DDC: variants seen among roughly 807,000 people sequenced by gnomAD.
The protein encoded by DDC is dopa decarboxylase.
A neutral mutation model predicts 60.0 loss-of-function variants in DDC; 43 were observed. The observed-to-expected ratio is 0.72, with a 90% CI of 0.56 to 0.92. The LOEUF is 0.92. DDC is among the 40% of genes least tolerant of loss of function. The pLI is 0.00. For missense variants in DDC, 573 were observed against 620.2 expected (o/e 0.92, Z 0.81); for synonymous variants, 232 against 234.6 (o/e 0.99, Z 0.10).
At chr7:50,492,640 T>C in intron 9 of DDC, 1 of 1,162,240 alleles carries the variant, frequency 8.6e-7, no homozygotes, top group Non-Finnish European at 1.1e-6. Context: ...ACCGCAGGCC[T>C]CTCTTGTGTC....
chr7:50,477,033 G>A (rs1490158323), intron 10 of DDC, among the ~76,000 whole-genome samples: 1 of 152,138 alleles, frequency 6.6e-6, no homozygotes, highest in Non-Finnish European at 1.5e-5. Flanking sequence ...GGAGTGATTA[G>A]AATATTTTAA....
intron 1 of DDC, among the ~76,000 whole-genome samples, chr7:50,545,444 CT>C (rs1217802146): frequency 1.3e-4 from 20 of 152,202 alleles, no homozygotes; most frequent in Non-Finnish European, 2.4e-4. Context: ...TGGCACATGT[CT>C]TTCTAGAATT....
intron 6 of DDC, among the ~76,000 whole-genome samples, chr7:50,510,717 C>G (rs1387357396): frequency 1.4e-5 from 2 of 146,354 alleles, no homozygotes; most frequent in Non-Finnish European, 3.0e-5. Flanking sequence ...CACGGTGGCT[C>G]ACGCCTGTAA....
At chr7:50,504,360 G>A (rs941805820) in intron 6 of DDC, among the ~76,000 whole-genome samples, 1 of 152,022 alleles carries the variant, frequency 6.6e-6, no homozygotes, top group African/African-American at 2.4e-5. Flanking sequence ...CTACCACCTG[G>A]ACAATGATAC....
At chr7:50,536,869 C>T (rs1221606701) in intron 4 of DDC, among the ~76,000 whole-genome samples, 1 of 152,206 alleles carries the variant, frequency 6.6e-6, no homozygotes, top group African/African-American at 2.4e-5. Flanking sequence ...ACTGAATGGG[C>T]CTTCACCAAT....
chr7:50,520,251 T>C (rs1005614908), intron 6 of DDC, among the ~76,000 whole-genome samples: 1 of 152,180 alleles, frequency 6.6e-6, no homozygotes, highest in African/African-American at 2.4e-5. Flanking sequence ...ACAATCAACA[T>C]TCACCAAGAT....
chr7:50,551,708 A>C (rs1375671291), intron 1 of DDC, among the ~76,000 whole-genome samples: 1 of 152,052 alleles, frequency 6.6e-6, no homozygotes, highest in East Asian at 1.9e-4. Context: ...ACGTCTGTTA[A>C]ATGTTTTGCA....
chr7:50,562,744 G>A (rs2045368949), intron 1 of DDC, among the ~76,000 whole-genome samples: 2 of 152,216 alleles, frequency 1.3e-5, no homozygotes, highest in African/African-American at 4.8e-5. Flanking sequence ...CCTGCACACG[G>A]CTTGGGCTAC....
intron 6 of DDC, among the ~76,000 whole-genome samples, chr7:50,520,215 C>A (rs923532108): frequency 6.6e-6 from 1 of 152,140 alleles, no homozygotes; most frequent in African/African-American, 2.4e-5. Flanking sequence ...CCAATGACAG[C>A]AGAATATATT....
rs769889204 is a variant in DDC, at chr7:50,561,845, C to T, written c.-29+3440G>A. Among the ~76,000 whole-genome samples the T allele has an allele frequency of 1.1e-4, 17 of 152,084 alleles. No homozygotes were observed. In the South Asian group the frequency reaches 1.7e-3, roughly 15 times the overall value. On this transcript the variant is annotated intron_variant, in intron 1 of 14. Transcript: ENST00000444124. The stretch of plus-strand genomic sequence containing the variant: ...GAGCAGCCTGCAGGTGCCCCTGCCC[C>T]GACCACACACACATGCACACACACC...
intron 6 of DDC, among the ~76,000 whole-genome samples, chr7:50,521,903 A>G (rs540903765): frequency 5.9e-4 from 90 of 152,294 alleles, no homozygotes; most frequent in Non-Finnish European, 1.1e-3. Flanking sequence ...TACTACTCCT[A>G]TCAACATTGT....
chr7:50,548,277 C>T (rs1273392409), intron 1 of DDC, among the ~76,000 whole-genome samples: 1 of 152,166 alleles, frequency 6.6e-6, no homozygotes, highest in Non-Finnish European at 1.5e-5. Flanking sequence ...TAGTATGTCT[C>T]TCACTTTAAA....
chr7:50,529,225 C>T lies in DDC; in HGVS notation c.553G>A (p.Ala185Thr). 1 of 1,613,444 alleles carries T rather than the reference C, an allele frequency of 6.2e-7. No individual in the cohort carries two copies. The highest frequency in any genetic ancestry group is 1.3e-5 in the African/African-American group (1 of 75,032). The change falls in exon 5 of 15, where the codon GCT becomes ACT. Residue 185 changes from alanine (A) to threonine (T), a missense_variant. Ala to Thr is a moderately conservative substitution (Grantham distance 58). Coordinates refer to ENST00000444124, the MANE Select transcript of DDC (RefSeq NM_001082971.2). The part of the protein sequence containing the change: ...TQAAIMEKLV[A>T]YSSDQAHSSV... ...ACACTCACCTGATCGGATGAGTAAG[C>T]CACCAGCTTCTCCATGATAGCGGCC...
intron 9 of DDC, 60 bp from the exon 10 acceptor site, chr7:50,479,923 T>C: frequency 7.4e-7 from 1 of 1,355,946 alleles, no homozygotes; most frequent in South Asian, 1.2e-5. Context: ...GGACCACCTC[T>C]CCCCTCTCCC....
At position 50,528,279 on chromosome 7, in the gene DDC, G is replaced by T; in HGVS notation, c.572C>A (p.Ala191Glu). 1 of 1,614,062 alleles carries T rather than the reference G, an allele frequency of 6.2e-7. No individual in the cohort carries two copies. Among genetic ancestry groups the T allele is most frequent in the Admixed American group, 1.7e-5 (1 of 60,028 alleles). Reference sequence around the variant, plus strand: ...CCCAGCTCTTTCCACTGAGGAGTGTGCCTGGAAAGAAGACAGCAGAGTTGG... The same window carrying T: ...CCCAGCTCTTTCCACTGAGGAGTGTTCCTGGAAAGAAGACAGCAGAGTTGG... ...EKLVAYSSDQ[A>E]HSSVERAGLI... is the part of the protein sequence containing the mutation. Residue 191 changes from alanine (A) to glutamate (E), a missense_variant and splice_region_variant, in exon 6 of 15, where the codon GCA becomes GAA. Transcript: ENST00000444124.
rs2044099966 is a variant in DDC, at chr7:50,528,345, G to T, written c.571-65C>A. On this transcript the variant is annotated intron_variant, in intron 5 of 14. Transcript: ENST00000444124. The stretch of plus-strand genomic sequence containing the variant: ...TGCATGCAGTTATTACCAGGCCCTG[G>T]ATCGGCAGAGAGCAGCCAACATTGC... 3.1e-6 allele frequency: 5 copies of T among 1,603,396 alleles called. No homozygotes were observed. In the Admixed American group the frequency reaches 8.3e-5, roughly 27 times the overall value.
At chr7:50,516,328 A>G (rs2043729025) in intron 6 of DDC, among the ~76,000 whole-genome samples, 1 of 152,218 alleles carries the variant, frequency 6.6e-6, no homozygotes, top group Non-Finnish European at 1.5e-5. Context: ...CTGAATGAGC[A>G]CTGGCTCAAA....
At chr7:50,538,013 G>A in intron 3 of DDC, 34 bp from the exon 4 acceptor site, 2 of 1,614,016 alleles carry the variant, frequency 1.2e-6, no homozygotes, top group Non-Finnish European at 1.7e-6. Context: ...TTAACCGAGG[G>A]CCAGGCATTG....
intron 3 of DDC, among the ~76,000 whole-genome samples, chr7:50,539,554 C>T (rs1585258972): frequency 3.9e-5 from 6 of 152,232 alleles, no homozygotes; most frequent in Admixed American, 3.3e-4. Flanking sequence ...CAGGGGCAGT[C>T]GCGGTTCTCA....
Sources: allele counts gnomAD v4.1 joint callset (sites outside exome capture counted in the v4.1 genomes callset), GRCh38; gene constraint gnomAD v4.1.1; transcripts MANE v1.5; gene names NCBI Gene and HGNC (gene_info 2026-07-23, HGNC 2026-07-21).